Variants in CLDN14 observed in about 807,000 individuals in gnomAD.
CLDN14 encodes the protein claudin 14.
CLDN14 carries 2 observed loss-of-function variants against 2.1 expected under a neutral mutation model. That is an observed-to-expected ratio of 0.96 (90% CI 0.39 to 3.01). CLDN14 has a LOEUF of 3.01. CLDN14 is among the 30% of genes most tolerant of loss of function. CLDN14 has a pLI of 0.09. For synonymous variants in CLDN14, 136 were observed against 154.4 expected (o/e 0.88, Z 0.88); for missense variants, 298 against 328.0 (o/e 0.91, Z 0.71).
At chr21:36,488,916 G>A (rs916279461) in intron 2 of CLDN14, among the ~76,000 whole-genome samples, 1 of 151,726 alleles carries the variant, frequency 6.6e-6, no homozygotes. Context: ...ATCACCTGAG[G>A]TCAGGAGTTC....
At chr21:36,519,470 G>A (rs1360523086) in intron 1 of CLDN14, among the ~76,000 whole-genome samples, 2 of 152,202 alleles carry the variant, frequency 1.3e-5, no homozygotes, top group Non-Finnish European at 2.9e-5. Context: ...CCAGCACTTG[G>A]GAGGCTGAGG....
chr21:36,511,526 A>G (rs1040692086), intron 1 of CLDN14, among the ~76,000 whole-genome samples: 1 of 152,190 alleles, frequency 6.6e-6, no homozygotes, highest in African/African-American at 2.4e-5. Flanking sequence ...TGAGGAACGT[A>G]AACTAATTTC....
At chr21:36,569,669 G>A (rs1305924337) in intron 1 of CLDN14, among the ~76,000 whole-genome samples, 1 of 152,176 alleles carries the variant, frequency 6.6e-6, no homozygotes, top group Admixed American at 6.5e-5. Flanking sequence ...ATAACCCGCA[G>A]AACCAAGGTC....
At chr21:36,543,990 A>G (rs80029376) in intron 1 of CLDN14, among the ~76,000 whole-genome samples, 8,448 of 152,298 alleles carry the variant, frequency 0.055, 242 homozygotes, top group South Asian at 0.1. Flanking sequence ...AGGATCCCCA[A>G]GGCTGCAGCC....
chr21:36,510,900 C>T (rs2087180756), intron 1 of CLDN14, among the ~76,000 whole-genome samples: 1 of 152,244 alleles, frequency 6.6e-6, no homozygotes. Context: ...CAAAATCCTT[C>T]AGGTCAAGCC....
At chr21:36,571,003 G>A (rs1391925239) in intron 1 of CLDN14, among the ~76,000 whole-genome samples, 3 of 152,070 alleles carry the variant, frequency 2.0e-5, no homozygotes, top group South Asian at 2.1e-4. Flanking sequence ...CACCACGCCC[G>A]GCTGATTTTT....
At chr21:36,514,694 T>G (rs2087213636) in intron 1 of CLDN14, among the ~76,000 whole-genome samples, 1 of 141,058 alleles carries the variant, frequency 7.1e-6, no homozygotes, top group Admixed American at 7.2e-5. Context: ...GAGGAGGACA[T>G]GGGAAGAGAG....
At chr21:36,559,232 G>T (rs894814439) in intron 1 of CLDN14, among the ~76,000 whole-genome samples, 1 of 151,066 alleles carries the variant, frequency 6.6e-6, no homozygotes, top group Non-Finnish European at 1.5e-5. Flanking sequence ...ACTAAGTTTC[G>T]CTCTTGTCGC....
chr21:36,518,353 C>T (rs920677903), intron 1 of CLDN14, among the ~76,000 whole-genome samples: 1 of 152,196 alleles, frequency 6.6e-6, no homozygotes, highest in Admixed American at 6.5e-5. Context: ...GTAATCCCAG[C>T]ATTTTGGGAG....
At chr21:36,488,724 G>C (rs561089482) in intron 2 of CLDN14, among the ~76,000 whole-genome samples, 69 of 152,246 alleles carry the variant, frequency 4.5e-4, no homozygotes, top group African/African-American at 1.4e-3. Context: ...CTCCGGAGAG[G>C]GATGGTGGTG....
upstream of CLDN14, chr21:36,480,702 T>C (rs936332505): frequency 3.9e-5 from 6 of 152,184 alleles, no homozygotes; most frequent in African/African-American, 1.4e-4. Flanking sequence ...TTGAGAAGTG[T>C]GCTGAGAGCC....
intron 1 of CLDN14, among the ~76,000 whole-genome samples, chr21:36,525,941 C>A (rs1024932776): frequency 3.3e-5 from 5 of 152,154 alleles, no homozygotes; most frequent in African/African-American, 1.2e-4. Flanking sequence ...AAAAGCCTGG[C>A]CCCTGGACCA....
chr21:36,534,201 A>T (rs2087406100), intron 1 of CLDN14, among the ~76,000 whole-genome samples: 1 of 152,138 alleles, frequency 6.6e-6, no homozygotes, highest in Admixed American at 6.5e-5. Context: ...TCCCGGGTTC[A>T]AGCGATTCTC....
upstream of CLDN14, among the ~76,000 whole-genome samples, chr21:36,484,906 T>C (rs1185851402): frequency 2.0e-5 from 3 of 152,018 alleles, no homozygotes; most frequent in Non-Finnish European, 4.4e-5. Context: ...GAGGCGGGGT[T>C]TCTCCATGTT....
intron 1 of CLDN14, among the ~76,000 whole-genome samples, chr21:36,552,161 T>C (rs1438936282): frequency 6.6e-6 from 1 of 152,200 alleles, no homozygotes; most frequent in Non-Finnish European, 1.5e-5. Context: ...AACTAGAAAG[T>C]ACCTCTGAAA....
chr21:36,461,856 C>A (rs143768024), intron 1 of CLDN14, 80 bp from the exon 2 acceptor site: 3 of 1,001,368 alleles, frequency 3.0e-6, no homozygotes, highest in Non-Finnish European at 4.3e-6. Context: ...TTTCTGTCAC[C>A]GAAACCAAGT....
In CLDN14 at chr21:36,461,009, C is replaced by T. The variant is rs219780; in HGVS notation, c.687G>A (p.Thr229=). Residue 229 remains threonine, a synonymous_variant, in exon 2 of 2, where the codon ACG becomes ACA. Coordinates refer to ENST00000399135, the MANE Select transcript of CLDN14 (RefSeq NM_001146079.2). The part of the protein sequence containing the change: ...DNRAPSVTSA[T]HSGYRLNDYV ...AGTCGTTCAGCCTGTACCCGCTGTG[C>T]GTGGCCGAGGTCACTGAGGGGGCCC... 0.19 allele frequency: 313,859 copies of T among 1,612,880 alleles called. 32,630 individuals are homozygous for T. Among genetic ancestry groups the T allele is most frequent in the African/African-American group, 0.24 (18,144 of 74,956 alleles).
chr21:36,557,905 G>T (rs900266112), intron 1 of CLDN14, among the ~76,000 whole-genome samples: 1 of 152,116 alleles, frequency 6.6e-6, no homozygotes, highest in African/African-American at 2.4e-5. Context: ...TTCCTCTAGA[G>T]GTTTCAGGTC....
chr21:36,513,738 G>A (rs1185049289), intron 1 of CLDN14, among the ~76,000 whole-genome samples: 2 of 152,198 alleles, frequency 1.3e-5, no homozygotes, highest in Non-Finnish European at 2.9e-5. Flanking sequence ...ACCTCAGTGG[G>A]TGAGAGGAAC....
Sources: gnomAD v4.1 joint callset for allele counts (sites outside exome capture counted in the v4.1 genomes callset) on GRCh38, gnomAD v4.1.1 for gene constraint, MANE v1.5 for transcripts, NCBI Gene and HGNC (gene_info 2026-07-23, HGNC 2026-07-21) for gene names.